Variants in PFAS observed in about 807,000 individuals in gnomAD.
PFAS encodes the protein phosphoribosylformylglycinamidine synthase.
Under a neutral mutation model 140.6 loss-of-function variants are expected in PFAS, and 97 were observed. The ratio of observed to expected loss-of-function variants is 0.69; its 90% CI spans 0.59 to 0.82. The LOEUF is 0.82. PFAS is among the 40% of genes least tolerant of loss of function. The pLI is 0.00. For synonymous variants in PFAS, 679 were observed against 718.8 expected (o/e 0.94, Z 0.88); for missense variants, 1,656 against 1,780.2 (o/e 0.93, Z 1.26).
chr17:8,253,289 G>C (rs1026058503), intron 1 of PFAS, among the ~76,000 whole-genome samples: 1 of 152,100 alleles, frequency 6.6e-6, no homozygotes, highest in African/African-American at 2.4e-5. Flanking sequence ...GTGTTTCTAA[G>C]ACCTTGACTG....
At position 8,267,782 on chromosome 17, in the gene PFAS, G is replaced by A. The variant is rs1989879453; in HGVS notation, c.3382+117G>A. ...ACTCCACCGAGCTACGAGAGAGTGG[G>A]CCCATTCGTTCTGGGCCACATGCCA... is the stretch of plus-strand genomic sequence containing the variant. On this transcript the variant is annotated intron_variant, in intron 26 of 27. Transcript: ENST00000314666. The surrounding 1 kb of genome is among the most constrained non-coding windows in gnomAD (Gnocchi z 4.9). 2 of 552,288 alleles carry A rather than the reference G, an allele frequency of 3.6e-6. No individual in the cohort carries two copies. The highest frequency in any genetic ancestry group is 3.0e-5 in the East Asian group (1 of 33,174). The allele number at this position is 552,288 out of a possible 1,614,324, so 34.2% of individuals were successfully genotyped here. A position where few individuals can be genotyped will look rare whatever the true frequency, so the allele number is the denominator to read the frequency against.
At chr17:8,268,069 T>C (rs902123969) in intron 26 of PFAS, among the ~76,000 whole-genome samples, 18 of 142,406 alleles carry the variant, frequency 1.3e-4, no homozygotes, top group African/African-American at 4.6e-4. Context: ...TATATATATA[T>C]GTATTTTTTG....
intron 1 of PFAS, among the ~76,000 whole-genome samples, chr17:8,250,979 A>AT (rs1181683189): frequency 5.9e-5 from 8 of 136,630 alleles, no homozygotes; most frequent in Admixed American, 7.5e-5. Context: ...TTTTTTTTTT[A>AT]TTTTTTTTAA....
chr17:8,266,611 C>G lies in PFAS; in HGVS notation c.2822-142C>G. The G allele has an allele frequency of 5.4e-6, 8 of 1,489,820 alleles. No individual in the cohort carries two copies. The highest frequency in any genetic ancestry group is 7.1e-6 in the Non-Finnish European group (8 of 1,127,010). 92.3% of individuals were successfully genotyped at this position (1,489,820 alleles called of 1,614,324 possible). On this transcript the variant is annotated intron_variant, in intron 22 of 27. Transcript: ENST00000314666. This position sits in a 1 kb window ranked among gnomAD's most constrained non-coding sequence, Gnocchi z 5.0. Reference sequence around the variant, plus strand: ...AACATCCTCAGTCCTGCCGTCCTAGCCCTCATCCTCCCTGATCCCTACCCT... The same window carrying G: ...AACATCCTCAGTCCTGCCGTCCTAGGCCTCATCCTCCCTGATCCCTACCCT...
upstream of PFAS, among the ~76,000 whole-genome samples, chr17:8,249,036 C>T (rs1159864356): frequency 6.6e-6 from 1 of 152,236 alleles, no homozygotes; most frequent in Non-Finnish European, 1.5e-5. Flanking sequence ...CAAAGCACAA[C>T]TTTCACATGC....
In PFAS at chr17:8,269,114, C is replaced by G; in HGVS notation, c.3867C>G (p.Gly1289=). The part of the protein sequence containing the change: ...GGVAGICSCD[G]RHLAVMPHPE... ...TGGCTGGCATCTGCTCCTGTGATGGCCGCCACCTGGCTGTCATGCCTCACC... is the reference window on the plus strand; with the variant it reads ...TGGCTGGCATCTGCTCCTGTGATGGGCGCCACCTGGCTGTCATGCCTCACC... The change falls in exon 28 of 28, where the codon GGC becomes GGG. Residue 1289 remains glycine, a synonymous_variant. Transcript: ENST00000314666. 3 of 1,614,094 alleles carry G rather than the reference C, an allele frequency of 1.9e-6. No individual in the cohort carries two copies. The South Asian group carries it at 3.3e-5, about 18-fold the overall frequency.
chr17:8,265,266 G>T (rs756665390), intron 18 of PFAS, 22 bp from the exon 19 acceptor site: 1 of 1,607,754 alleles, frequency 6.2e-7, no homozygotes, highest in South Asian at 1.1e-5. Flanking sequence ...CCCCTCTAAT[G>T]CTGTGCCTCT....
intron 17 of PFAS, 24 bp downstream of exon 17, chr17:8,264,625 C>T: frequency 6.4e-6 from 10 of 1,574,186 alleles, no homozygotes; most frequent in Non-Finnish European, 8.6e-6. Flanking sequence ...CCTTCCTCTG[C>T]CCCCTGCCTC....
At chr17:8,268,233 C>A (rs958668097) in intron 26 of PFAS, among the ~76,000 whole-genome samples, 1 of 145,280 alleles carries the variant, frequency 6.9e-6, no homozygotes, top group Non-Finnish European at 1.5e-5. Flanking sequence ...ATTAGCCAGG[C>A]GTGCTGGCGG....
rs62063140 is a variant in PFAS at position 8,267,262 on chromosome 17, C to G, written c.3175+27C>G. The G allele has an allele frequency of 6.3e-7, 1 of 1,588,982 alleles. No homozygotes were observed. Among genetic ancestry groups the G allele is most frequent in the Admixed American group, 1.7e-5 (1 of 59,670 alleles). On this transcript the variant is annotated intron_variant, in intron 24 of 27. Coordinates refer to ENST00000314666, the MANE Select transcript of PFAS (RefSeq NM_012393.3). This position sits in a 1 kb window ranked among gnomAD's most constrained non-coding sequence, Gnocchi z 4.9. ...TGAGGGAGTGTGTGCAGAGGCTCCGCGTCCTGGGGGCACTGAGCCTGGATG... is the reference window on the plus strand; with the variant it reads ...TGAGGGAGTGTGTGCAGAGGCTCCGGGTCCTGGGGGCACTGAGCCTGGATG...
rs186747150 is a variant in PFAS at position 8,254,247 on chromosome 17, G to A, written c.224G>A (p.Arg75Gln). Residue 75 changes from arginine (R) to glutamine (Q), a missense_variant, in exon 3 of 28, where the codon CGG becomes CAG. Physicochemically the swap from Arg to Gln is conservative, Grantham distance 43 (BLOSUM62 1). Around this residue, in one of 2 missense-constraint regions of PFAS, gnomAD observed 773 missense variants for 757.3 expected, o/e 1.02. Coordinates refer to ENST00000314666, the MANE Select transcript of PFAS (RefSeq NM_012393.3). ...CCCTTACTGCTGGATGATGTTGCTCGGGAGTCCTGGCTCCTTCCTGGCTCC... is the reference window on the plus strand; with the variant it reads ...CCCTTACTGCTGGATGATGTTGCTCAGGAGTCCTGGCTCCTTCCTGGCTCC... Reference protein sequence around the residue: ...GCPLLLDDVARESWLLPGSND... With the variant: ...GCPLLLDDVAQESWLLPGSND... 7 of 1,614,116 alleles carry A rather than the reference G, an allele frequency of 4.3e-6. No individual in the cohort carries two copies. Among genetic ancestry groups the A allele is most frequent in the South Asian group, 2.2e-5 (2 of 91,080 alleles).
chr17:8,258,134 T>A lies in PFAS; in HGVS notation c.1271T>A (p.Ile424Asn). ...DGQRREWIKP[I>N]MFSGGIGSME... is the part of the protein sequence containing the mutation. ...CAGCGGCGTGAGTGGATCAAGCCCA[T>A]CATGTTTAGTGGGGGCATTGGGTCC... The change falls in exon 11 of 28, where the codon ATC becomes AAC. Residue 424 changes from isoleucine to asparagine, a missense_variant. Physicochemically the swap from Ile to Asn is moderately radical, Grantham distance 149 (BLOSUM62 -3). Coordinates refer to ENST00000314666, the MANE Select transcript of PFAS (RefSeq NM_012393.3). 1 of 1,614,056 alleles carries A rather than the reference T, an allele frequency of 6.2e-7. No individual in the cohort carries two copies. The highest frequency in any genetic ancestry group is 8.5e-7 in the Non-Finnish European group (1 of 1,179,994).
rs375295581 is a variant in PFAS, at chr17:8,267,765, G to A, written c.3382+100G>A. On this transcript the variant is annotated intron_variant, in intron 26 of 27. Transcript: ENST00000314666. The surrounding 1 kb of genome is among the most constrained non-coding windows in gnomAD (Gnocchi z 4.9). The stretch of plus-strand genomic sequence containing the variant: ...CTGGGGATTGGCCTCTCACTCCACC[G>A]AGCTACGAGAGAGTGGGCCCATTCG... 3.2e-5 allele frequency: 20 copies of A among 626,796 alleles called. No individual in the cohort carries two copies. Among genetic ancestry groups the A allele is most frequent in the Admixed American group, 6.2e-5 (2 of 32,198 alleles). 38.8% of individuals were successfully genotyped at this position (626,796 alleles called of 1,614,324 possible). A position where few individuals can be genotyped will look rare whatever the true frequency, so the allele number is the denominator to read the frequency against.
chr17:8,250,610 G>A (rs73247014), intron 1 of PFAS, among the ~76,000 whole-genome samples: 2,896 of 152,314 alleles, frequency 0.019, 99 homozygotes, highest in African/African-American at 0.066. Flanking sequence ...CTGAGAGGCA[G>A]TGGGACCAGA....
At chr17:8,250,514 T>C (rs560607642) in intron 1 of PFAS, among the ~76,000 whole-genome samples, 1 of 152,270 alleles carries the variant, frequency 6.6e-6, no homozygotes, top group African/African-American at 2.4e-5. Flanking sequence ...GTTTTTGTCT[T>C]GAGCAACAAA....
chr17:8,248,080 G>A (rs573605755), upstream of PFAS: 41 of 1,484,194 alleles, frequency 2.8e-5, no homozygotes, highest in Admixed American at 7.8e-4. Flanking sequence ...GTGCTCGCTT[G>A]GGGGTGGGGA....
intron 11 of PFAS, 115 bp from the exon 12 acceptor site, chr17:8,262,805 A>AG: frequency 1.3e-6 from 1 of 798,166 alleles, no homozygotes; most frequent in East Asian, 2.4e-5. Context: ...CAAAAAAAAA[A>AG]AAGCTGGTCA....
At chr17:8,264,447 GCC>G in intron 16 of PFAS, 21 bp from the exon 17 acceptor site, 3 of 1,613,146 alleles carry the variant, frequency 1.9e-6, no homozygotes, top group South Asian at 2.2e-5. Context: ...TGTTCACACT[GCC>G]TGTCGCTGTC....
intron 1 of PFAS, among the ~76,000 whole-genome samples, chr17:8,252,905 C>T (rs758663603): frequency 1.3e-5 from 2 of 152,196 alleles, no homozygotes; most frequent in Non-Finnish European, 1.5e-5. Context: ...GTGTTAGCCA[C>T]TATGCCCCGC....
Sources: gnomAD v4.1 joint callset for allele counts (sites outside exome capture counted in the v4.1 genomes callset) on GRCh38, gnomAD v4.1.1 for gene constraint, gnomAD v4.1.1 regional missense constraint, Gnocchi (gnomAD v3.1) non-coding constraint, MANE v1.5 for transcripts, NCBI Gene and HGNC (gene_info 2026-07-23, HGNC 2026-07-21) for gene names.